The following MELK variants were observed in gnomAD, a reference collection of about 807,000 sequenced individuals.
MELK encodes maternal embryonic leucine zipper kinase.
In MELK, 81 loss-of-function variants were observed where a neutral mutation model predicts 85.0. The observed-to-expected ratio is 0.95, with a 90% confidence interval of 0.80 to 1.15. The LOEUF (loss-of-function observed/expected upper bound fraction) is 1.15. MELK is among the 50% of genes most tolerant of loss of function. MELK has a pLI of 0.00. For synonymous variants in MELK, 252 were observed against 265.0 expected (o/e 0.95, Z 0.48); for missense variants, 754 against 777.5 (o/e 0.97, Z 0.36).
chr9:36,591,842 G>A (rs1294713809), intron 4 of MELK, among the ~76,000 whole-genome samples: 1 of 151,612 alleles, frequency 6.6e-6, no homozygotes, highest in Non-Finnish European at 1.5e-5. Context: ...AGGCTCAGGT[G>A]AGGAGCCTGG....
At chr9:36,608,717 G>T (rs1055536800) in intron 8 of MELK, among the ~76,000 whole-genome samples, 13 of 152,086 alleles carry the variant, frequency 8.5e-5, no homozygotes, top group African/African-American at 3.1e-4. Context: ...TAGTAGCTGG[G>T]ATTACAGGCA....
At position 36,636,790 on chromosome 9, in the gene MELK, G is replaced by GTCTT. The variant is rs1318766048; in HGVS notation, c.834+3602_834+3605dup. 9.1e-3 allele frequency among the ~76,000 whole-genome samples: 619 copies of GTCTT among 67,690 alleles called. 4 individuals are homozygous for GTCTT. The highest frequency in any genetic ancestry group is 0.053 in the East Asian group (116 of 2,198). The allele number at this position is 67,690 out of a possible 152,430, so 44.4% of individuals were successfully genotyped here. On this transcript the variant is annotated intron_variant, in intron 10 of 17. Coordinates refer to ENST00000298048, the MANE Select transcript of MELK (RefSeq NM_014791.4). Reference sequence around the variant, plus strand: ...TTTCTTTCTTTCTTTCTTTCTGTCTGTCTTTCTTTCTTTCTGTCTTTCTTT... The same window carrying GTCTT: ...TTTCTTTCTTTCTTTCTTTCTGTCTGTCTTTCTTTCTTTCTTTCTGTCTTTCTTT...
At chr9:36,657,971 G>T (rs1478582951) in intron 13 of MELK, among the ~76,000 whole-genome samples, 1 of 151,976 alleles carries the variant, frequency 6.6e-6, no homozygotes, top group Non-Finnish European at 1.5e-5. Context: ...GCAATTCTAT[G>T]TGTTTTGACA....
chr9:36,659,850 A>C (rs932483678), intron 13 of MELK, among the ~76,000 whole-genome samples: 9 of 152,172 alleles, frequency 5.9e-5, no homozygotes, highest in African/African-American at 2.2e-4. Context: ...CCCAGGCTGG[A>C]GTGCAATGGC....
At chr9:36,606,588 A>G (rs1825548747) in intron 7 of MELK, among the ~76,000 whole-genome samples, 1 of 146,694 alleles carries the variant, frequency 6.8e-6, no homozygotes, top group Non-Finnish European at 1.5e-5. Flanking sequence ...ACATATGTAT[A>G]GGTGTGTATA....
intron 11 of MELK, among the ~76,000 whole-genome samples, chr9:36,647,507 TGAGA>T (rs1830323931): frequency 1.3e-5 from 2 of 151,526 alleles, no homozygotes; most frequent in African/African-American, 4.8e-5. Context: ...TTTTTTTTTT[TGAGA>T]TGGAGTCTCC....
chr9:36,584,562 A>C lies in MELK; in HGVS notation c.144+850A>C, dbSNP rs1356490655. Among the ~76,000 whole-genome samples, 4 of 130,476 alleles carry C rather than the reference A, an allele frequency of 3.1e-5. No individual in the cohort carries two copies. The South Asian group carries it at 9.9e-4, about 32-fold the overall frequency. The allele number at this position is 130,476 out of a possible 152,430, so 85.6% of individuals were successfully genotyped here. A position where few individuals can be genotyped will look rare whatever the true frequency, so the allele number is the denominator to read the frequency against. On this transcript the variant is annotated intron_variant, in intron 3 of 17. Transcript: ENST00000298048. ...GTTAGCCAGGATGGTCTCGATCTCC[A>C]GACCTCGTGAACCGCGTGCCTCGAC... is the stretch of plus-strand genomic sequence containing the variant.
chr9:36,668,332 A>T (rs536085066), intron 14 of MELK, among the ~76,000 whole-genome samples: 2 of 152,178 alleles, frequency 1.3e-5, no homozygotes, highest in Admixed American at 6.5e-5. Flanking sequence ...TTGATATTAT[A>T]TCTTTGTTTT....
intron 8 of MELK, among the ~76,000 whole-genome samples, chr9:36,614,722 C>T (rs1826407597): frequency 8.6e-6 from 1 of 116,834 alleles, no homozygotes; most frequent in Middle Eastern, 4.0e-3. Context: ...TGAGTGGACA[C>T]AGCACATGTT....
chr9:36,636,518 TA>T (rs201203470), intron 10 of MELK, among the ~76,000 whole-genome samples: 3 of 150,656 alleles, frequency 2.0e-5, no homozygotes, highest in African/African-American at 7.3e-5. Flanking sequence ...ATAAATTAAT[TA>T]AAAAAAAACA....
chr9:36,599,309 AAAAAAAAAAAAAAAAG>A (rs1421928317), intron 6 of MELK, 69 bp from the exon 7 acceptor site: 1 of 735,950 alleles, frequency 1.4e-6, no homozygotes, highest in Non-Finnish European at 1.9e-6. Flanking sequence ...TCAAAAAAAA[AAAAAAAAAAAAAAAAG>A]AATGTTTATC....
chr9:36,584,284 C>T (rs190424763), intron 3 of MELK, among the ~76,000 whole-genome samples: 1 of 147,244 alleles, frequency 6.8e-6, no homozygotes, highest in Non-Finnish European at 1.5e-5. Context: ...GGATTACAGT[C>T]GTGAGCCACC....
At chr9:36,662,279 G>C (rs1325021823) in intron 13 of MELK, among the ~76,000 whole-genome samples, 1 of 137,082 alleles carries the variant, frequency 7.3e-6, no homozygotes, top group East Asian at 2.1e-4. Context: ...ATCTTGCTCT[G>C]TTGCCCAGGC....
intron 14 of MELK, among the ~76,000 whole-genome samples, chr9:36,668,375 A>T (rs1587626564): frequency 2.0e-5 from 3 of 152,200 alleles, no homozygotes; most frequent in Middle Eastern, 3.2e-3. Context: ...AAGGGTATAA[A>T]ACTTTTAGAT....
chr9:36,663,612 T>C (rs896743517), intron 13 of MELK, among the ~76,000 whole-genome samples: 2 of 152,222 alleles, frequency 1.3e-5, no homozygotes, highest in Non-Finnish European at 2.9e-5. Context: ...CACCCACTTA[T>C]GAGTGAGAAC....
At chr9:36,669,545 G>A in intron 15 of MELK, 139 bp downstream of exon 15, 1 of 595,568 alleles carries the variant, frequency 1.7e-6, no homozygotes. Context: ...ATGTGTGGAT[G>A]ACCTGTGGCC....
At chr9:36,615,674 A>G (rs1181191764) in intron 8 of MELK, among the ~76,000 whole-genome samples, 1 of 139,678 alleles carries the variant, frequency 7.2e-6, no homozygotes, top group Admixed American at 6.9e-5. Context: ...CACCTCCCAG[A>G]CGGGGTCTCG....
intron 9 of MELK, among the ~76,000 whole-genome samples, chr9:36,631,261 G>C (rs897377424): frequency 6.6e-6 from 1 of 151,816 alleles, no homozygotes; most frequent in Non-Finnish European, 1.5e-5. Context: ...GTGAGCCACT[G>C]GCTTTTGTTT....
intron 8 of MELK, among the ~76,000 whole-genome samples, chr9:36,623,516 G>A (rs541930317): frequency 3.9e-5 from 6 of 152,342 alleles, no homozygotes; most frequent in African/African-American, 1.4e-4. Context: ...ACTTGTGGAT[G>A]ATACTCTACA....
Sources: allele counts gnomAD v4.1 joint callset (sites outside exome capture counted in the v4.1 genomes callset), GRCh38; gene constraint gnomAD v4.1.1; transcripts MANE v1.5; gene names NCBI Gene and HGNC (gene_info 2026-07-23, HGNC 2026-07-21).